Variants in PATJ observed in about 807,000 individuals in gnomAD.
PATJ encodes inaD-like protein.
Under a neutral mutation model 224.9 loss-of-function variants are expected in PATJ, and 190 were observed. The observed-to-expected ratio is 0.84, with a 90% confidence interval of 0.75 to 0.95. The LOEUF (loss-of-function observed/expected upper bound fraction) is 0.95. PATJ is among the 40% of genes least tolerant of loss of function. PATJ has a pLI of 0.00. For synonymous variants in PATJ, 769 were observed against 820.3 expected (o/e 0.94, Z 1.07); for missense variants, 2,121 against 2,270.3 (o/e 0.93, Z 1.34).
chr1:62,020,986 C>T (rs1021678410), intron 29 of PATJ, among the ~76,000 whole-genome samples: 22 of 151,766 alleles, frequency 1.4e-4, no homozygotes, highest in African/African-American at 4.1e-4. Flanking sequence ...CCACCAGGCC[C>T]GGCTAGTTTT....
intron 21 of PATJ, among the ~76,000 whole-genome samples, chr1:61,880,520 T>G (rs1667947966): frequency 6.6e-6 from 1 of 152,244 alleles, no homozygotes; most frequent in African/African-American, 2.4e-5. Flanking sequence ...TTAGAACTTT[T>G]TTTCTTTGTT....
intron 17 of PATJ, among the ~76,000 whole-genome samples, chr1:61,850,828 G>C (rs1303012192): frequency 2.0e-5 from 3 of 152,200 alleles, no homozygotes; most frequent in Non-Finnish European, 2.9e-5. Flanking sequence ...GATGGTGTGA[G>C]AATTAAATGG....
intron 34 of PATJ, among the ~76,000 whole-genome samples, chr1:62,113,440 C>T (rs1398043151): frequency 6.6e-6 from 1 of 152,106 alleles, no homozygotes; most frequent in Non-Finnish European, 1.5e-5. Flanking sequence ...AGTTTGAGGC[C>T]AGCCTGGGCA....
At chr1:61,947,874 C>T (rs887735529) in intron 27 of PATJ, among the ~76,000 whole-genome samples, 2 of 152,092 alleles carry the variant, frequency 1.3e-5, no homozygotes, top group African/African-American at 4.8e-5. Context: ...GAGATATAGA[C>T]CAATGGAATA....
intron 41 of PATJ, among the ~76,000 whole-genome samples, chr1:62,136,665 CTGTGTGTGTGTGTGTG>C (rs71050202): frequency 6.4e-5 from 3 of 46,834 alleles, no homozygotes; most frequent in Non-Finnish European, 1.3e-4. Context: ...GTGTGTGTGT[CTGTGTGTGTGTGTGTG>C]TGTGTGTGTG....
At chr1:61,872,659 A>G (rs1184362455) in intron 20 of PATJ, among the ~76,000 whole-genome samples, 1 of 152,184 alleles carries the variant, frequency 6.6e-6, no homozygotes, top group South Asian at 2.1e-4. Flanking sequence ...TACAAATGTA[A>G]TCAATCTATC....
chr1:61,885,959 T>C (rs1668765599), intron 22 of PATJ, among the ~76,000 whole-genome samples: 1 of 148,396 alleles, frequency 6.7e-6, no homozygotes, highest in African/African-American at 2.5e-5. Flanking sequence ...TTCTCACTCA[T>C]AGATGGGAAT....
intron 1 of PATJ, among the ~76,000 whole-genome samples, chr1:61,748,127 C>CCT (rs1645118698): frequency 6.6e-6 from 1 of 151,928 alleles, no homozygotes; most frequent in South Asian, 2.1e-4. Flanking sequence ...GATCCACCCG[C>CCT]CTCGGCCTCC....
In PATJ at chr1:61,827,479, G is replaced by A; in HGVS notation, c.1876G>A (p.Glu626Lys). The A allele has an allele frequency of 1.2e-6, 2 of 1,614,000 alleles. No individual in the cohort carries two copies. The highest frequency in any genetic ancestry group is 1.7e-6 in the Non-Finnish European group (2 of 1,179,952). The stretch of plus-strand genomic sequence containing the variant: ...CCGAGAAGCAGTCTCCTTTCTTAAA[G>A]AAGTGCCACCCCCTTTTACTTTGGT... ...SRREAVSFLKEVPPPFTLVCC... is the reference protein window; with the variant it reads ...SRREAVSFLKKVPPPFTLVCC... The change falls in exon 16 of 44, where the codon GAA (glutamate) becomes AAA (lysine). Residue 626 changes from glutamate (E) to lysine (K), a missense_variant. Glu to Lys is a moderately conservative substitution (Grantham distance 56). Coordinates refer to ENST00000642238, the MANE Select transcript of PATJ (RefSeq NM_001350145.3).
chr1:62,023,669 G>A (rs913448461), intron 29 of PATJ, among the ~76,000 whole-genome samples: 2 of 152,204 alleles, frequency 1.3e-5, no homozygotes, highest in African/African-American at 4.8e-5. Flanking sequence ...GTCATAGGAT[G>A]TATAGAAACC....
intron 39 of PATJ, among the ~76,000 whole-genome samples, chr1:62,126,380 T>C (rs1665721393): frequency 6.6e-6 from 1 of 152,180 alleles, no homozygotes; most frequent in Non-Finnish European, 1.5e-5. Flanking sequence ...CACCATACTT[T>C]ATTTGGTTTC....
chr1:61,820,893 C>T (rs1039658993), intron 14 of PATJ, among the ~76,000 whole-genome samples: 4 of 152,164 alleles, frequency 2.6e-5, no homozygotes, highest in Admixed American at 2.6e-4. Context: ...TCTCTGAGAG[C>T]TTTTCCTCAC....
chr1:61,902,324 G>T (rs1671297655), intron 24 of PATJ, among the ~76,000 whole-genome samples: 1 of 151,662 alleles, frequency 6.6e-6, no homozygotes, highest in South Asian at 2.1e-4. Flanking sequence ...ACCATGGTGG[G>T]TATCTGTAAT....
At chr1:61,803,561 A>G (rs1314127455) in intron 12 of PATJ, among the ~76,000 whole-genome samples, 2 of 152,218 alleles carry the variant, frequency 1.3e-5, no homozygotes, top group Admixed American at 1.3e-4. Flanking sequence ...ACGAAAGAGG[A>G]ATACAAAAAG....
Position 61,797,274 on chromosome 1 carries a change from C to A in PATJ, c.1261-13C>A, listed in dbSNP as rs1651535387. 1 of 1,605,852 alleles carries A rather than the reference C, an allele frequency of 6.2e-7. No individual in the cohort carries two copies. The highest frequency in any genetic ancestry group is 8.5e-7 in the Non-Finnish European group (1 of 1,173,338). ...TTTAAAACCTCTGCTTAATGTTTCTCTTGATGTTTTAGGTCGATGGCGTGA... is the reference window on the plus strand; with the variant it reads ...TTTAAAACCTCTGCTTAATGTTTCTATTGATGTTTTAGGTCGATGGCGTGA... On this transcript the variant is annotated splice_polypyrimidine_tract_variant and intron_variant, in intron 10 of 43. Coordinates refer to ENST00000642238, the MANE Select transcript of PATJ (RefSeq NM_001350145.3).
At chr1:61,921,057 T>G (rs1674259084) in intron 26 of PATJ, among the ~76,000 whole-genome samples, 1 of 152,132 alleles carries the variant, frequency 6.6e-6, no homozygotes, top group Non-Finnish European at 1.5e-5. Flanking sequence ...CTCTTCCACC[T>G]CAAGCTAAGA....
At chr1:61,861,284 CTTTTTTT>C in intron 18 of PATJ, among the ~76,000 whole-genome samples, 56 of 48,872 alleles carry the variant, frequency 1.1e-3, no homozygotes, top group South Asian at 1.8e-3. Flanking sequence ...TTCTTTCTTT[CTTTTTTT>C]TTTTTTTTTT....
At chr1:61,742,599 G>C (rs1197033159) in intron 1 of PATJ, 44 bp downstream of exon 1, 1 of 152,300 alleles carries the variant, frequency 6.6e-6, no homozygotes, top group Non-Finnish European at 1.5e-5. Flanking sequence ...CTCGCCCCTG[G>C]GTGTCCCCGC....
chr1:62,142,250 G>A (rs1667579768), intron 41 of PATJ, among the ~76,000 whole-genome samples: 1 of 152,094 alleles, frequency 6.6e-6, no homozygotes, highest in Non-Finnish European at 1.5e-5. Context: ...ACTACATCCT[G>A]AATTGATTAA....
Sources: allele counts gnomAD v4.1 joint callset (sites outside exome capture counted in the v4.1 genomes callset), GRCh38; gene constraint gnomAD v4.1.1; transcripts MANE v1.5; gene names NCBI Gene and HGNC (gene_info 2026-07-23, HGNC 2026-07-21).